The following PDZRN4 variants were observed in gnomAD, a reference collection of about 807,000 sequenced individuals.
The protein encoded by PDZRN4 is PDZ domain-containing RING finger protein 4.
Under a neutral mutation model 99.0 loss-of-function variants are expected in PDZRN4, and 70 were observed. The ratio of observed to expected loss-of-function variants is 0.71; its 90% CI spans 0.58 to 0.86. The LOEUF is 0.86. Ranked by LOEUF, PDZRN4 falls within the 40% of genes least tolerant of loss-of-function variation. PDZRN4 has a pLI of 0.00. For synonymous variants in PDZRN4, 551 were observed against 501.6 expected (o/e 1.10, Z -1.32); for missense variants, 1,474 against 1,331.2 (o/e 1.11, Z -1.67).
At chr12:41,258,395 AC>A (rs1460988541) in intron 3 of PDZRN4, among the ~76,000 whole-genome samples, 33 of 152,130 alleles carry the variant, frequency 2.2e-4, no homozygotes, top group African/African-American at 7.7e-4. Context: ...TGAGACAAAG[AC>A]AAATACTAGA....
At position 41,450,716 on chromosome 12, in the gene PDZRN4, G is replaced by T. The variant is rs567125397; in HGVS notation, c.844-55740G>T. Among the ~76,000 whole-genome samples the T allele has an allele frequency of 4.6e-5, 7 of 152,220 alleles. No homozygotes were observed. The South Asian group carries it at 1.5e-3, about 32-fold the overall frequency. On this transcript the variant is annotated intron_variant, in intron 3 of 9. Coordinates refer to ENST00000402685, the MANE Select transcript of PDZRN4 (RefSeq NM_001164595.2). ...GCGGGGGGATCACTTGAGGCCAGAA[G>T]TTTGAAACCAGCCTGGCCAACATAG...
rs536246838 is a variant in PDZRN4, at chr12:41,214,430, T to TAAAAAAAAAAAAAAAAAAAAAAAAAAAA, written c.843+20262_843+20263insAAAAAAAAAAAAAAAAAAAAAAAAAAAA. Among the ~76,000 whole-genome samples the TAAAAAAAAAAAAAAAAAAAAAAAAAAAA allele has an allele frequency of 5.9e-4, 20 of 34,068 alleles. 2 individuals carry two copies. Among genetic ancestry groups the TAAAAAAAAAAAAAAAAAAAAAAAAAAAA allele is most frequent in the South Asian group, 3.3e-3 (2 of 602 alleles). 22.3% of individuals were successfully genotyped at this position (34,068 alleles called of 152,430 possible). A position where few individuals can be genotyped will look rare whatever the true frequency, so the allele number is the denominator to read the frequency against. ...GGCAATAGAAGGAGACCCTGTCCCC[T>TAAAAAAAAAAAAAAAAAAAAAAAAAAAA]AAAAAAAAAAAAAAAAAAAAGTTAT... On this transcript the variant is annotated intron_variant, in intron 3 of 9. Coordinates refer to ENST00000402685, the MANE Select transcript of PDZRN4 (RefSeq NM_001164595.2).
chr12:41,511,729 GAC>G (rs575587191), intron 5 of PDZRN4, among the ~76,000 whole-genome samples: 3 of 152,138 alleles, frequency 2.0e-5, no homozygotes, highest in Admixed American at 6.6e-5. Flanking sequence ...ATCATTATGT[GAC>G]ACACACATAG....
At chr12:41,203,214 T>C (rs1421607909) in intron 3 of PDZRN4, among the ~76,000 whole-genome samples, 2 of 151,864 alleles carry the variant, frequency 1.3e-5, no homozygotes, top group African/African-American at 4.8e-5. Context: ...TGTATATTAA[T>C]TAAACAAGCA....
intron 3 of PDZRN4, among the ~76,000 whole-genome samples, chr12:41,292,311 C>A (rs1951461619): frequency 6.6e-6 from 1 of 152,104 alleles, no homozygotes; most frequent in South Asian, 2.1e-4. Context: ...CAGATCTTGG[C>A]CTTCTAAGGA....
intron 3 of PDZRN4, among the ~76,000 whole-genome samples, chr12:41,389,428 A>G (rs1952194141): frequency 6.6e-6 from 1 of 152,184 alleles, no homozygotes; most frequent in African/African-American, 2.4e-5. Flanking sequence ...CCATTCCAGA[A>G]TTTATAAATG....
chr12:41,490,791 C>T lies in PDZRN4; in HGVS notation c.844-15665C>T, dbSNP rs576940835. ...GTCACCCAGGCTGGAACAAGGTCCT[C>T]TACTTGGAACTTCTACTATGCAATT... On this transcript the variant is annotated intron_variant, in intron 3 of 9. Transcript: ENST00000402685. Among the ~76,000 whole-genome samples the T allele has an allele frequency of 6.6e-5, 10 of 152,130 alleles. No homozygotes were observed. In the East Asian group the frequency reaches 1.9e-3, roughly 30 times the overall value.
In PDZRN4 at chr12:41,574,697, A is replaced by C. The variant is rs1353150509; in HGVS notation, c.*807A>C. ...TAATTGTGGATTATAAAATGTGCACATTTTCTATCACTTGTTTCCAATAAA... is the reference window on the plus strand; with the variant it reads ...TAATTGTGGATTATAAAATGTGCACCTTTTCTATCACTTGTTTCCAATAAA... On this transcript the variant is annotated 3_prime_UTR_variant, in exon 10 of 10. Transcript: ENST00000402685. 1.3e-5 allele frequency: 2 copies of C among 152,228 alleles called. No individual in the cohort carries two copies. Among genetic ancestry groups the C allele is most frequent in the African/African-American group, 4.8e-5 (2 of 41,450 alleles). The allele number at this position is 152,228 out of a possible 1,614,324, so 9.4% of individuals were successfully genotyped here.
intron 3 of PDZRN4, among the ~76,000 whole-genome samples, chr12:41,405,947 C>T (rs1273030741): frequency 2.6e-5 from 4 of 151,276 alleles, no homozygotes; most frequent in African/African-American, 9.7e-5. Flanking sequence ...CAGAATACTA[C>T]AGCAGGGTGG....
At chr12:41,562,936 A>G (rs1373746006) in intron 7 of PDZRN4, among the ~76,000 whole-genome samples, 1 of 152,174 alleles carries the variant, frequency 6.6e-6, no homozygotes, top group Non-Finnish European at 1.5e-5. Context: ...TAGGAAATGG[A>G]TAGATATTAG....
At chr12:41,379,882 T>C (rs1952110775) in intron 3 of PDZRN4, among the ~76,000 whole-genome samples, 1 of 152,122 alleles carries the variant, frequency 6.6e-6, no homozygotes, top group African/African-American at 2.4e-5. Flanking sequence ...ATAGTGTTGT[T>C]AAAAACCACT....
At chr12:41,259,343 C>T (rs1951222952) in intron 3 of PDZRN4, among the ~76,000 whole-genome samples, 1 of 151,910 alleles carries the variant, frequency 6.6e-6, no homozygotes, top group Non-Finnish European at 1.5e-5. Context: ...TAGAAAGAAA[C>T]CGTTCATATT....
intron 7 of PDZRN4, among the ~76,000 whole-genome samples, chr12:41,561,370 A>C (rs936725678): frequency 1.3e-5 from 2 of 151,942 alleles, no homozygotes; most frequent in Admixed American, 1.3e-4. Context: ...CCAGCATTGA[A>C]GACATTCTAT....
At chr12:41,367,672 T>G (rs1295563912) in intron 3 of PDZRN4, among the ~76,000 whole-genome samples, 1 of 152,092 alleles carries the variant, frequency 6.6e-6, no homozygotes, top group East Asian at 1.9e-4. Context: ...TAAAATAGCT[T>G]GGTGGTAATT....
chr12:41,383,126 A>T (rs1343156027), intron 3 of PDZRN4, among the ~76,000 whole-genome samples: 1 of 152,184 alleles, frequency 6.6e-6, no homozygotes, highest in African/African-American at 2.4e-5. Flanking sequence ...CTAGGTCCTC[A>T]GTTGTGTGAG....
intron 3 of PDZRN4, among the ~76,000 whole-genome samples, chr12:41,341,441 G>C (rs1323187659): frequency 6.6e-6 from 1 of 151,816 alleles, no homozygotes; most frequent in Non-Finnish European, 1.5e-5. Flanking sequence ...ATGTGATCTT[G>C]TATATAAAGT....
At chr12:41,397,313 A>G (rs1040800857) in intron 3 of PDZRN4, among the ~76,000 whole-genome samples, 3 of 152,170 alleles carry the variant, frequency 2.0e-5, no homozygotes, top group Non-Finnish European at 2.9e-5. Flanking sequence ...TTTGTACTCT[A>G]GTAGATTTCT....
rs1412819709 is a variant in PDZRN4, at chr12:41,565,999, A to G, written c.1468-1784A>G. The stretch of plus-strand genomic sequence containing the variant: ...TAGACTCAGACCATAGTGAATGTAC[A>G]TCTAGGTAGAAAGGGGGAAATAGGA... On this transcript the variant is annotated intron_variant, in intron 8 of 9. Transcript: ENST00000402685. Among the ~76,000 whole-genome samples the G allele has an allele frequency of 3.3e-5, 5 of 152,294 alleles. No individual in the cohort carries two copies. The East Asian group carries it at 9.6e-4, about 29-fold the overall frequency.
chr12:41,239,711 A>G (rs1268466837), intron 3 of PDZRN4, among the ~76,000 whole-genome samples: 2 of 152,222 alleles, frequency 1.3e-5, no homozygotes, highest in East Asian at 3.8e-4. Flanking sequence ...GAAGCTTTAG[A>G]AAGTCAAATT....
Sources: allele counts gnomAD v4.1 joint callset (sites outside exome capture counted in the v4.1 genomes callset), GRCh38; gene constraint gnomAD v4.1.1; transcripts MANE v1.5; gene names NCBI Gene and HGNC (gene_info 2026-07-23, HGNC 2026-07-21).